The following MIX23 variants were observed in gnomAD, a reference collection of about 807,000 sequenced individuals.
MIX23 encodes the protein protein MIX23.
MIX23 carries 13 observed loss-of-function variants against 21.6 expected under a neutral mutation model. The observed-to-expected ratio is 0.60, with a 90% CI of 0.39 to 0.96. The LOEUF is 0.96. Among genes scored for constraint, MIX23 ranks in the 40% least tolerant of loss-of-function variants. The probability of loss-of-function intolerance (pLI) is 0.00; values close to 1 mark genes in which losing one functional copy is unlikely to be tolerated. For missense variants in MIX23, 144 were observed against 171.2 expected (o/e 0.84, Z 0.89); for synonymous variants, 59 against 58.0 (o/e 1.02, Z -0.08).
chr3:122,360,615 A>T lies in MIX23; in HGVS notation c.385-696T>A, dbSNP rs1042087437. 2.0e-4 allele frequency among the ~76,000 whole-genome samples: 31 copies of T among 152,224 alleles called. 2 individuals are homozygous for T. In the South Asian group the frequency reaches 4.1e-3, roughly 20 times the overall value. On this transcript the variant is annotated intron_variant, in intron 4 of 4. Transcript: ENST00000291458. ...AAATTTTTAAAACATTTTTAATATT[A>T]AAAAAATTTAAATCATGTCAAAAAT... is the stretch of plus-strand genomic sequence containing the variant.
At position 122,367,527 on chromosome 3, in the gene MIX23, G is replaced by A. The variant is rs1026426794; in HGVS notation, c.324+649C>T. On this transcript the variant is annotated intron_variant, in intron 3 of 4. Coordinates refer to ENST00000291458, the MANE Select transcript of MIX23 (RefSeq NM_001017928.4). ...CTTCCTCTGACACATCCCTAGGTAGGTACTTGCTATTTTCTTAAAAGTAAA... is the reference window on the plus strand; with the variant it reads ...CTTCCTCTGACACATCCCTAGGTAGATACTTGCTATTTTCTTAAAAGTAAA... 4.6e-5 allele frequency among the ~76,000 whole-genome samples: 7 copies of A among 152,150 alleles called. 1 individual carries two copies. The highest frequency in any genetic ancestry group is 1.7e-4 in the African/African-American group (7 of 41,420).
At chr3:122,378,028 A>G (rs2075501668) in intron 1 of MIX23, among the ~76,000 whole-genome samples, 1 of 152,214 alleles carries the variant, frequency 6.6e-6, no homozygotes, top group African/African-American at 2.4e-5. Context: ...ATTAGAGGTC[A>G]TATGATAGGA....
chr3:122,362,005 T>G (rs1023838887), intron 4 of MIX23, among the ~76,000 whole-genome samples: 6 of 152,206 alleles, frequency 3.9e-5, no homozygotes, highest in African/African-American at 1.2e-4. Context: ...TTTAATAGAT[T>G]TTTGCCCTTC....
chr3:122,361,020 T>C (rs2075354478), intron 4 of MIX23, among the ~76,000 whole-genome samples: 1 of 152,108 alleles, frequency 6.6e-6, no homozygotes, highest in Non-Finnish European at 1.5e-5. Flanking sequence ...ATTTTTTGTA[T>C]TTTTAGTAGA....
chr3:122,362,813 A>ACCCCCCC (rs2075368221), intron 4 of MIX23, among the ~76,000 whole-genome samples, 155 bp downstream of exon 4: 2 of 140,812 alleles, frequency 1.4e-5, no homozygotes, highest in Non-Finnish European at 3.1e-5. Flanking sequence ...CCTCCCCCCA[A>ACCCCCCC]CCCCAAAAGG....
At chr3:122,361,046 T>C (rs1025957201) in intron 4 of MIX23, among the ~76,000 whole-genome samples, 1 of 152,166 alleles carries the variant, frequency 6.6e-6, no homozygotes, top group African/African-American at 2.4e-5. Context: ...GGTTTCACCC[T>C]GTTGGTCAGG....
At chr3:122,381,254 A>G (rs964045894) in intron 1 of MIX23, among the ~76,000 whole-genome samples, 3 of 152,152 alleles carry the variant, frequency 2.0e-5, no homozygotes, top group African/African-American at 7.2e-5. Context: ...GGGTTTCGCA[A>G]GTGCCAGGAG....
At chr3:122,362,850 C>G (rs545620332) in intron 4 of MIX23, 118 bp downstream of exon 4, 1 of 411,780 alleles carries the variant, frequency 2.4e-6, no homozygotes, top group Non-Finnish European at 4.5e-6. Context: ...TAAATGTAAA[C>G]GAGTGATCTC....
At chr3:122,362,813 A>G (rs9857710) in intron 4 of MIX23, among the ~76,000 whole-genome samples, 155 bp downstream of exon 4, 1 of 140,822 alleles carries the variant, frequency 7.1e-6, no homozygotes, top group African/African-American at 2.7e-5. Context: ...CCTCCCCCCA[A>G]CCCCAAAAGG....
At chr3:122,366,723 T>G (rs1478061937) in intron 3 of MIX23, 2 of 152,134 alleles carry the variant, frequency 1.3e-5, no homozygotes, top group Non-Finnish European at 2.9e-5. Flanking sequence ...TGGATCACTT[T>G]GAGCTCAGGA....
chr3:122,363,777 A>G (rs1009734048), intron 3 of MIX23, among the ~76,000 whole-genome samples: 5 of 152,082 alleles, frequency 3.3e-5, no homozygotes, highest in East Asian at 1.9e-4. Flanking sequence ...CTTTCTTTAT[A>G]ACTGCCAACC....
chr3:122,365,826 A>AG (rs1244572693), intron 3 of MIX23, among the ~76,000 whole-genome samples: 1 of 152,198 alleles, frequency 6.6e-6, no homozygotes, highest in Non-Finnish European at 1.5e-5. Flanking sequence ...AACACCTTCA[A>AG]GGGCGTTGAA....
At chr3:122,365,691 A>C (rs901291392) in intron 3 of MIX23, 1 of 152,142 alleles carries the variant, frequency 6.6e-6, no homozygotes, top group Non-Finnish European at 1.5e-5. Context: ...AATCATTCCC[A>C]AACACTCAGT....
In MIX23 at chr3:122,371,850, C is replaced by CA. The variant is rs376627610; in HGVS notation, c.52-51dup. The CA allele has an allele frequency of 3.0e-4, 438 of 1,453,636 alleles. 1 individual carries two copies. The African/African-American group carries it at 5.3e-3, about 18-fold the overall frequency. The allele number at this position is 1,453,636 out of a possible 1,614,324, so 90.0% of individuals were successfully genotyped here. A position where few individuals can be genotyped will look rare whatever the true frequency, so the allele number is the denominator to read the frequency against. ...TATAACCCAAATGGAAAGTTAGTGA[C>CA]AAAAAATAAGCATTTAAGTAAAAAA... On this transcript the variant is annotated intron_variant, in intron 1 of 4. Transcript: ENST00000291458.
intron 2 of MIX23, among the ~76,000 whole-genome samples, chr3:122,368,880 A>G (rs765287143): frequency 6.6e-6 from 1 of 152,260 alleles, no homozygotes; most frequent in Non-Finnish European, 1.5e-5. Flanking sequence ...ATTATAAAAT[A>G]TAAGTATTGA....
intron 1 of MIX23, among the ~76,000 whole-genome samples, chr3:122,377,392 G>A (rs932078444): frequency 3.3e-5 from 5 of 152,166 alleles, no homozygotes; most frequent in African/African-American, 1.2e-4. Context: ...TTAAAACCAT[G>A]AAACTAGAAG....
At chr3:122,363,429 G>A (rs1246989699) in intron 3 of MIX23, among the ~76,000 whole-genome samples, 1 of 151,862 alleles carries the variant, frequency 6.6e-6, no homozygotes, top group Non-Finnish European at 1.5e-5. Context: ...GTGAAGGTAC[G>A]TGAAAAGATA....
chr3:122,376,341 A>C (rs1469830522), intron 1 of MIX23, among the ~76,000 whole-genome samples: 1 of 151,576 alleles, frequency 6.6e-6, no homozygotes, highest in Admixed American at 6.6e-5. Flanking sequence ...GAAATCATCC[A>C]GGCATGGTGG....
chr3:122,371,896 C>T (rs927138322), intron 1 of MIX23, 96 bp from the exon 2 acceptor site: 19 of 1,070,694 alleles, frequency 1.8e-5, no homozygotes, highest in Non-Finnish European at 2.5e-5. Context: ...GGATATTTTA[C>T]AATCCTTTAA....
Sources: gnomAD v4.1 joint callset for allele counts (sites outside exome capture counted in the v4.1 genomes callset) on GRCh38, gnomAD v4.1.1 for gene constraint, MANE v1.5 for transcripts, NCBI Gene and HGNC (gene_info 2026-07-23, HGNC 2026-07-21) for gene names.